The following CACNA1D variants were observed in gnomAD, a reference collection of about 807,000 sequenced individuals.
CACNA1D encodes the protein calcium voltage-gated channel subunit alpha1 D.
A neutral mutation model predicts 257.1 loss-of-function variants in CACNA1D; 55 were observed. The ratio of observed to expected loss-of-function variants is 0.21; its 90% CI spans 0.17 to 0.27. The LOEUF is 0.27. CACNA1D is among the 10% of genes least tolerant of loss of function. The pLI, the probability that CACNA1D is intolerant of heterozygous loss-of-function variation, is 1.00. For missense variants in CACNA1D, 1,876 were observed against 2,784.0 expected (o/e 0.67, Z 7.34); for synonymous variants, 980 against 1,014.9 (o/e 0.97, Z 0.65).
chr3:53,554,961 A>G (rs2092610187), intron 3 of CACNA1D, among the ~76,000 whole-genome samples: 1 of 152,172 alleles, frequency 6.6e-6, no homozygotes, highest in Non-Finnish European at 1.5e-5. Flanking sequence ...AGAAACAACA[A>G]CTTCCCCTTT....
chr3:53,702,567 C>A, intron 8 of CACNA1D, 74 bp from the exon 9 acceptor site: 1 of 1,423,798 alleles, frequency 7.0e-7, no homozygotes, highest in Non-Finnish European at 9.9e-7. Context: ...GACTGTTGTG[C>A]AGTAGGGCAG....
intron 3 of CACNA1D, among the ~76,000 whole-genome samples, chr3:53,599,096 G>A (rs1014500508): frequency 3.9e-5 from 6 of 151,976 alleles, no homozygotes; most frequent in Non-Finnish European, 8.8e-5. Flanking sequence ...TCCAATGAAC[G>A]GAATCTTTCA....
At chr3:53,714,228 G>A (rs758149942) in intron 9 of CACNA1D, among the ~76,000 whole-genome samples, 3 of 152,204 alleles carry the variant, frequency 2.0e-5, no homozygotes, top group Non-Finnish European at 4.4e-5. Context: ...TATTTCTACA[G>A]TAGGGGACTG....
intron 3 of CACNA1D, among the ~76,000 whole-genome samples, chr3:53,648,604 G>A (rs1055944434): frequency 1.3e-5 from 2 of 152,178 alleles, no homozygotes; most frequent in Middle Eastern, 3.4e-3. Context: ...ATGGGGCAAC[G>A]GGGAATCTGG....
Position 53,515,342 on chromosome 3 carries a change from CA to C in CACNA1D, c.483+13623del, listed in dbSNP as rs557604272. 4.8e-4 allele frequency among the ~76,000 whole-genome samples: 73 copies of C among 152,240 alleles called. 1 individual carries two copies. The highest frequency in any genetic ancestry group is 1.7e-3 in the African/African-American group (72 of 41,546). ...CAGGAGCTAAGGAGCACAACGATGT[CA>C]GGGGGATTCTGGCCCGATGGTCGTG... On this transcript the variant is annotated intron_variant, in intron 3 of 47. Transcript: ENST00000350061.
intron 3 of CACNA1D, among the ~76,000 whole-genome samples, chr3:53,567,306 T>C (rs146451007): frequency 6.6e-6 from 1 of 152,354 alleles, no homozygotes; most frequent in Admixed American, 6.5e-5. Flanking sequence ...GTACAATCTC[T>C]GTACAGGATC....
At chr3:53,801,574 C>A (rs376864368) in intron 42 of CACNA1D, 149 bp downstream of exon 42, 76 of 1,000,722 alleles carry the variant, frequency 7.6e-5, no homozygotes, top group African/African-American at 7.6e-4. Context: ...TGAGTGCCCC[C>A]CAGGTCACTG....
At position 53,598,961 on chromosome 3, in the gene CACNA1D, A is replaced by G. The variant is rs538576681; in HGVS notation, c.484-51818A>G. On this transcript the variant is annotated intron_variant, in intron 3 of 47. Transcript: ENST00000350061. ...AGGTCATGAGCAAATTAACCAGTCA[A>G]GGAAGTAAATAAGTAAGTTTTGGTG... Among the ~76,000 whole-genome samples, 4 of 152,032 alleles carry G rather than the reference A, an allele frequency of 2.6e-5. No individual in the cohort carries two copies. In the South Asian group the frequency reaches 8.3e-4, roughly 32 times the overall value.
chr3:53,810,966 T>G (rs918667526), intron 47 of CACNA1D, 147 bp from the exon 48 acceptor site: 1 of 674,452 alleles, frequency 1.5e-6, no homozygotes, highest in Non-Finnish European at 2.7e-6. Flanking sequence ...CTAGTTATTA[T>G]GTATGAGGTC....
chr3:53,736,958 T>C (rs1206208787), intron 20 of CACNA1D, among the ~76,000 whole-genome samples: 1 of 151,704 alleles, frequency 6.6e-6, no homozygotes, highest in Admixed American at 6.6e-5. Context: ...GTTAGCCCTC[T>C]GTATCCATGG....
chr3:53,603,201 A>G (rs1302858092), intron 3 of CACNA1D, among the ~76,000 whole-genome samples: 1 of 152,230 alleles, frequency 6.6e-6, no homozygotes, highest in Non-Finnish European at 1.5e-5. Flanking sequence ...CCCTTGAGAA[A>G]TTGTTCCAAA....
At chr3:53,570,015 G>A (rs1296936549) in intron 3 of CACNA1D, among the ~76,000 whole-genome samples, 5 of 152,134 alleles carry the variant, frequency 3.3e-5, no homozygotes, top group African/African-American at 1.2e-4. Context: ...TTAGCTATAC[G>A]GATAATCTTA....
At chr3:53,737,840 A>C (rs2095074069) in intron 20 of CACNA1D, among the ~76,000 whole-genome samples, 1 of 152,202 alleles carries the variant, frequency 6.6e-6, no homozygotes, top group Non-Finnish European at 1.5e-5. Context: ...ACATACAAAC[A>C]AAAATACAAG....
At chr3:53,509,391 G>A (rs1453295059) in intron 3 of CACNA1D, among the ~76,000 whole-genome samples, 1 of 152,154 alleles carries the variant, frequency 6.6e-6, no homozygotes, top group Non-Finnish European at 1.5e-5. Flanking sequence ...GCAGGACGAA[G>A]CCTTCCTTTG....
At chr3:53,639,769 A>G (rs1482511165) in intron 3 of CACNA1D, among the ~76,000 whole-genome samples, 3 of 152,170 alleles carry the variant, frequency 2.0e-5, no homozygotes, top group African/African-American at 4.8e-5. Context: ...TTAATGGAGA[A>G]AAAGAATGAC....
At chr3:53,778,993 C>G (rs867865251) in intron 37 of CACNA1D, among the ~76,000 whole-genome samples, 13 of 152,318 alleles carry the variant, frequency 8.5e-5, no homozygotes, top group Admixed American at 6.5e-4. Context: ...TTAACCCTCA[C>G]AACAGCTTTA....
At chr3:53,527,755 T>G (rs554877550) in intron 3 of CACNA1D, among the ~76,000 whole-genome samples, 1 of 152,324 alleles carries the variant, frequency 6.6e-6, no homozygotes, top group South Asian at 2.1e-4. Context: ...ATTAATTATT[T>G]GAGATAAATG....
At chr3:53,663,607 T>G (rs1390570682) in intron 5 of CACNA1D, among the ~76,000 whole-genome samples, 1 of 152,134 alleles carries the variant, frequency 6.6e-6, no homozygotes, top group Non-Finnish European at 1.5e-5. Context: ...TTACCCACAC[T>G]CTGGCACTGA....
At chr3:53,511,475 G>A (rs1168166570) in intron 3 of CACNA1D, among the ~76,000 whole-genome samples, 2 of 152,154 alleles carry the variant, frequency 1.3e-5, no homozygotes, top group Non-Finnish European at 2.9e-5. Context: ...TCCAGCGCAG[G>A]TCCTTGTGTA....
Sources: gnomAD v4.1 joint callset for allele counts (sites outside exome capture counted in the v4.1 genomes callset) on GRCh38, gnomAD v4.1.1 for gene constraint, MANE v1.5 for transcripts, NCBI Gene and HGNC (gene_info 2026-07-23, HGNC 2026-07-21) for gene names.